Variants in ADGRL3 observed in about 807,000 individuals in gnomAD.
ADGRL3 encodes the protein calcium-independent alpha-latrotoxin receptor 3.
ADGRL3 carries 62 observed loss-of-function variants against 153.5 expected under a neutral mutation model. That is an observed-to-expected ratio of 0.40 (90% CI 0.33 to 0.50). The LOEUF is 0.50. Among genes scored for constraint, ADGRL3 ranks in the 20% least tolerant of loss-of-function variants. The probability of loss-of-function intolerance (pLI) is 0.47; values close to 1 mark genes in which losing one functional copy is unlikely to be tolerated. For synonymous variants in ADGRL3, 710 were observed against 672.5 expected, an observed-to-expected ratio of 1.06 and a Z score of -0.86; for missense variants, 1,641 against 1,859.4, an observed-to-expected ratio of 0.88 and a Z score of 2.16.
chr4:61,583,890 T>C (rs959677271), intron 4 of ADGRL3, among the ~76,000 whole-genome samples: 7 of 151,974 alleles, frequency 4.6e-5, no homozygotes, highest in Non-Finnish European at 7.4e-5. Flanking sequence ...TCCTCCAAAT[T>C]ATTACGTTAT....
chr4:61,448,830 G>A (rs1279071178), intron 2 of ADGRL3, among the ~76,000 whole-genome samples: 1 of 45,902 alleles, frequency 2.2e-5, no homozygotes, highest in Non-Finnish European at 5.8e-5. Flanking sequence ...GAAGGAAGAA[G>A]GGAGGGAGGG....
Position 61,651,009 on chromosome 4 carries a change from A to G in ADGRL3, c.474-25817A>G, listed in dbSNP as rs12647291. Among the ~76,000 whole-genome samples the G allele has an allele frequency of 1.6e-4, 25 of 152,312 alleles. 1 individual carries two copies. The highest frequency in any genetic ancestry group is 6.8e-3 in the Middle Eastern group (2 of 294). On this transcript the variant is annotated intron_variant, in intron 5 of 26. Transcript: ENST00000683033. ...AAAATAGTAAGGAATCAAGGAAATG[A>G]CAAAGAGATTTAAATAAGTAATCTA...
At chr4:61,578,537 T>C (rs923689625) in intron 4 of ADGRL3, among the ~76,000 whole-genome samples, 9 of 152,118 alleles carry the variant, frequency 5.9e-5, no homozygotes, top group Admixed American at 5.9e-4. Context: ...CATTATATTA[T>C]ATCATAATCT....
At chr4:62,007,425 C>CATATAT (rs373551662) in intron 21 of ADGRL3, among the ~76,000 whole-genome samples, 2 of 99,400 alleles carry the variant, frequency 2.0e-5, no homozygotes, top group East Asian at 5.5e-4. Flanking sequence ...TATATATACA[C>CATATAT]ATATATATAT....
At chr4:61,819,750 T>A (rs2097730060) in intron 9 of ADGRL3, among the ~76,000 whole-genome samples, 1 of 152,142 alleles carries the variant, frequency 6.6e-6, no homozygotes, top group African/African-American at 2.4e-5. Context: ...CTGCTTCAGA[T>A]ACTTTGCCAT....
At chr4:61,357,257 T>G (rs543788933) in intron 1 of ADGRL3, among the ~76,000 whole-genome samples, 28 of 152,260 alleles carry the variant, frequency 1.8e-4, no homozygotes, top group Non-Finnish European at 3.7e-4. Flanking sequence ...ATGATGTTAA[T>G]TAAAATAATA....
At chr4:61,209,954 T>G (rs533800900) in intron 1 of ADGRL3, among the ~76,000 whole-genome samples, 1 of 152,258 alleles carries the variant, frequency 6.6e-6, no homozygotes, top group East Asian at 1.9e-4. Context: ...AATCCCAGAT[T>G]TTAAGTCTCA....
intron 21 of ADGRL3, among the ~76,000 whole-genome samples, chr4:62,023,572 C>T (rs2099247628): frequency 6.6e-6 from 1 of 152,086 alleles, no homozygotes; most frequent in African/African-American, 2.4e-5. Flanking sequence ...TCACTGTGGT[C>T]TTATTTTAAG....
rs374804939 is a variant in ADGRL3, at chr4:61,979,770, C to G, written c.3013C>G (p.Pro1005Ala). The G allele has an allele frequency of 5.0e-6, 8 of 1,613,252 alleles. No individual in the cohort carries two copies. In the African/African-American group the frequency reaches 1.1e-4, roughly 22 times the overall value. The change falls in exon 18 of 27, where the codon CCA (proline) becomes GCA (alanine). Residue 1005 changes from proline (P) to alanine (A), a missense_variant and splice_region_variant. Pro to Ala is a conservative substitution (Grantham distance 27). Coordinates refer to ENST00000683033, the MANE Select transcript of ADGRL3 (RefSeq NM_001387552.1). Reference sequence around the variant, plus strand: ...GATTGGGATCAACCGAACTGACCAACCAGTAAGCAACCTACATTGATACCA... The same window carrying G: ...GATTGGGATCAACCGAACTGACCAAGCAGTAAGCAACCTACATTGATACCA... ...FLIGINRTDQ[P>A]IACAVFAALL... is the part of the protein sequence containing the mutation.
chr4:62,022,968 A>C (rs2099244858), intron 21 of ADGRL3, among the ~76,000 whole-genome samples: 1 of 152,104 alleles, frequency 6.6e-6, no homozygotes. Flanking sequence ...ATTACTCAAG[A>C]AATAAGTTTT....
chr4:61,326,808 C>T (rs1374486993), intron 1 of ADGRL3, among the ~76,000 whole-genome samples: 3 of 151,938 alleles, frequency 2.0e-5, no homozygotes, highest in Non-Finnish European at 4.4e-5. Context: ...CTCTTATTGA[C>T]ATTAATGGGA....
intron 8 of ADGRL3, among the ~76,000 whole-genome samples, chr4:61,757,126 T>G (rs574842740): frequency 6.6e-6 from 1 of 152,338 alleles, no homozygotes; most frequent in African/African-American, 2.4e-5. Flanking sequence ...AGGATGATGC[T>G]GGCCTCATAA....
At chr4:61,206,519 C>T (rs768956312) in intron 1 of ADGRL3, among the ~76,000 whole-genome samples, 5 of 152,138 alleles carry the variant, frequency 3.3e-5, no homozygotes, top group Admixed American at 6.5e-5. Flanking sequence ...TTGCCTTTCA[C>T]TCATATTCTT....
intron 5 of ADGRL3, among the ~76,000 whole-genome samples, chr4:61,651,945 A>G (rs1415210667): frequency 6.6e-6 from 1 of 152,084 alleles, no homozygotes; most frequent in Non-Finnish European, 1.5e-5. Context: ...GGTCATTTTA[A>G]TAATGTTTAA....
chr4:61,300,090 T>C (rs1194066627), intron 1 of ADGRL3, among the ~76,000 whole-genome samples: 2 of 152,202 alleles, frequency 1.3e-5, no homozygotes, highest in Non-Finnish European at 2.9e-5. Flanking sequence ...GTATTTTACT[T>C]ATTGAGATGA....
intron 8 of ADGRL3, among the ~76,000 whole-genome samples, chr4:61,780,717 C>G (rs966442661): frequency 1.2e-4 from 18 of 152,166 alleles, no homozygotes; most frequent in African/African-American, 4.3e-4. Flanking sequence ...TGAGACCAAT[C>G]CCTCTTTCTG....
intron 6 of ADGRL3, among the ~76,000 whole-genome samples, chr4:61,690,798 A>G (rs2095526730): frequency 6.6e-6 from 1 of 152,070 alleles, no homozygotes; most frequent in Non-Finnish European, 1.5e-5. Context: ...GAAACTTTTA[A>G]TGGCAGTGTT....
rs1335805622 is a variant in ADGRL3 at position 61,847,657 on chromosome 4, TTA to T, written c.1480+33777_1480+33778del. ...TATTATATATATAATATAAAATATATTATATATATAATATAAAATATATTATA... is the reference window on the plus strand; with the variant it reads ...TATTATATATATAATATAAAATATATTATATATAATATAAAATATATTATA... On this transcript the variant is annotated intron_variant, in intron 9 of 26. Transcript: ENST00000683033. Among the ~76,000 whole-genome samples the T allele has an allele frequency of 9.2e-4, 48 of 52,260 alleles. 3 individuals carry two copies. The highest frequency in any genetic ancestry group is 2.1e-3 in the South Asian group (5 of 2,346). The allele number at this position is 52,260 out of a possible 152,430, so 34.3% of individuals were successfully genotyped here. A position where few individuals can be genotyped will look rare whatever the true frequency, so the allele number is the denominator to read the frequency against.
intron 9 of ADGRL3, among the ~76,000 whole-genome samples, chr4:61,837,546 G>A (rs550267432): frequency 7.2e-5 from 11 of 151,978 alleles, no homozygotes; most frequent in Non-Finnish European, 1.5e-4. Flanking sequence ...GTCTTCCTTA[G>A]GGCATTAAAA....
Sources: allele counts gnomAD v4.1 joint callset (sites outside exome capture counted in the v4.1 genomes callset), GRCh38; gene constraint gnomAD v4.1.1; transcripts MANE v1.5; gene names NCBI Gene and HGNC (gene_info 2026-07-23, HGNC 2026-07-21).